LMO4: variants seen among roughly 807,000 people sequenced by gnomAD.
LMO4 encodes the protein LIM domain only 4, also known as LIM domain transcription factor LMO4.
A neutral mutation model predicts 18.5 loss-of-function variants in LMO4; 3 were observed. That is an observed-to-expected ratio of 0.16 (90% CI 0.07 to 0.42). LMO4 has a LOEUF of 0.42. Among genes scored for constraint, LMO4 ranks in the 10% least tolerant of loss-of-function variants. LMO4 has a pLI of 0.99. For missense variants in LMO4, 121 were observed against 219.9 expected, an observed-to-expected ratio of 0.55 and a Z score of 2.84; for synonymous variants, 100 against 88.1, an observed-to-expected ratio of 1.14 and a Z score of -0.76.
chr1:87,335,512 G>A (rs1453391045), intron 2 of LMO4, among the ~76,000 whole-genome samples: 1 of 151,996 alleles, frequency 6.6e-6, no homozygotes, highest in Non-Finnish European at 1.5e-5. Flanking sequence ...TTCTTTCCCC[G>A]GGCTCCACTC....
intron 2 of LMO4, among the ~76,000 whole-genome samples, chr1:87,334,253 C>G (rs1650234302): frequency 6.6e-6 from 1 of 152,148 alleles, no homozygotes; most frequent in South Asian, 2.1e-4. Flanking sequence ...ACATGCTACC[C>G]CGAGGACCTT....
At chr1:87,334,634 G>C (rs999220504) in intron 2 of LMO4, among the ~76,000 whole-genome samples, 3 of 152,158 alleles carry the variant, frequency 2.0e-5, no homozygotes, top group African/African-American at 7.2e-5. Context: ...TCTTGACTTT[G>C]AGTTGTGGTT....
At chr1:87,334,786 G>T (rs991178492) in intron 2 of LMO4, among the ~76,000 whole-genome samples, 3 of 152,278 alleles carry the variant, frequency 2.0e-5, no homozygotes, top group African/African-American at 7.2e-5. Flanking sequence ...GATGGGCAGA[G>T]CTGGGCTTCT....
intron 2 of LMO4, among the ~76,000 whole-genome samples, chr1:87,336,660 C>T (rs921766210): frequency 6.6e-6 from 1 of 152,110 alleles, no homozygotes; most frequent in African/African-American, 2.4e-5. Context: ...TATAAGGAAC[C>T]TCTTGATGTT....
intron 2 of LMO4, among the ~76,000 whole-genome samples, chr1:87,333,745 A>G (rs984534453): frequency 6.6e-6 from 1 of 152,160 alleles, no homozygotes; most frequent in South Asian, 2.1e-4. Context: ...TTAGAAGTAA[A>G]TGTTGGAAAA....
Position 87,346,986 on chromosome 1 carries a change from G to A in LMO4, c.*2190G>A, listed in dbSNP as rs926579624. 1 of 152,138 alleles carries A rather than the reference G, an allele frequency of 6.6e-6. No individual in the cohort carries two copies. The highest frequency in any genetic ancestry group is 2.4e-5 in the African/African-American group (1 of 41,410). The allele number at this position is 152,138 out of a possible 1,614,324, so 9.4% of individuals were successfully genotyped here. On this transcript the variant is annotated 3_prime_UTR_variant, in exon 5 of 5. Coordinates refer to ENST00000370544, the MANE Select transcript of LMO4 (RefSeq NM_006769.4). ...GCATAAGCACTTATGTCCCTGATATGTACAAATTCAAAGGAGGTGGTTAAT... is the reference window on the plus strand; with the variant it reads ...GCATAAGCACTTATGTCCCTGATATATACAAATTCAAAGGAGGTGGTTAAT...
intron 2 of LMO4, among the ~76,000 whole-genome samples, chr1:87,335,601 A>T (rs1170210974): frequency 6.6e-6 from 1 of 151,964 alleles, no homozygotes; most frequent in Non-Finnish European, 1.5e-5. Context: ...GGTGGGGAGA[A>T]TTGGTAGTTG....
chr1:87,335,143 C>T (rs1246103515), intron 2 of LMO4, among the ~76,000 whole-genome samples: 1 of 152,140 alleles, frequency 6.6e-6, no homozygotes, highest in East Asian at 1.9e-4. Context: ...ACTGCCCCTT[C>T]CCCCACCCCC....
At chr1:87,340,481 T>G (rs1305928082) in intron 4 of LMO4, among the ~76,000 whole-genome samples, 2 of 152,232 alleles carry the variant, frequency 1.3e-5, no homozygotes, top group African/African-American at 4.8e-5. Flanking sequence ...ATGTAAAGCT[T>G]CCATATAACT....
chr1:87,332,376 C>T, intron 2 of LMO4, 125 bp downstream of exon 2: 1 of 704,054 alleles, frequency 1.4e-6, no homozygotes. Context: ...CAAAAATCTT[C>T]TAGTTGGCGG....
chr1:87,344,998 T>A lies in LMO4; in HGVS notation c.*202T>A, dbSNP rs1650588695. ...CTGAATATGAACATTAAGGACTCCA[T>A]GAACCTGGGCTAATGGGAGACTGTA... On this transcript the variant is annotated 3_prime_UTR_variant, in exon 5 of 5. Transcript: ENST00000370544. 5 of 440,682 alleles carry A rather than the reference T, an allele frequency of 1.1e-5. No individual in the cohort carries two copies. The allele number at this position is 440,682 out of a possible 1,614,324, so 27.3% of individuals were successfully genotyped here.
chr1:87,340,352 A>T (rs1650442249), intron 4 of LMO4, 150 bp downstream of exon 4: 1 of 636,784 alleles, frequency 1.6e-6, no homozygotes, highest in Admixed American at 3.2e-5. Flanking sequence ...GAGTGTTCAG[A>T]AGTAGGATAG....
chr1:87,337,555 T>C (rs1650349543), intron 2 of LMO4, among the ~76,000 whole-genome samples: 1 of 152,238 alleles, frequency 6.6e-6, no homozygotes, highest in African/African-American at 2.4e-5. Context: ...TTTAGCCTTG[T>C]TAGGATTCTG....
intron 4 of LMO4, among the ~76,000 whole-genome samples, chr1:87,341,834 G>A (rs2100567327): frequency 6.6e-6 from 1 of 152,292 alleles, no homozygotes; most frequent in Non-Finnish European, 1.5e-5. Flanking sequence ...TCTTCAAGGA[G>A]TGCCAAGACA....
At chr1:87,339,372 T>G (rs1034469972) in intron 2 of LMO4, among the ~76,000 whole-genome samples, 164 bp from the exon 3 acceptor site, 1 of 152,194 alleles carries the variant, frequency 6.6e-6, no homozygotes, top group African/African-American at 2.4e-5. Flanking sequence ...CAAAAAGGAT[T>G]TTTCCCAGAT....
chr1:87,333,577 T>G (rs1324111367), intron 2 of LMO4, among the ~76,000 whole-genome samples: 1 of 152,222 alleles, frequency 6.6e-6, no homozygotes, highest in Admixed American at 6.5e-5. Flanking sequence ...ATCATTAGTG[T>G]AAGATGATGG....
At position 87,345,560 on chromosome 1, in the gene LMO4, A is replaced by G. The variant is rs1313913453; in HGVS notation, c.*764A>G. On this transcript the variant is annotated 3_prime_UTR_variant, in exon 5 of 5. Transcript: ENST00000370544. ...CTCTAGTATGGTGTATTTAAATAAT[A>G]AAAACTTAAAAGAAAAAATATTTAA... is the stretch of plus-strand genomic sequence containing the variant. The G allele has an allele frequency of 6.6e-6, 1 of 152,208 alleles. No homozygotes were observed. The highest frequency in any genetic ancestry group is 1.5e-5 in the Non-Finnish European group (1 of 68,042). The allele number at this position is 152,208 out of a possible 1,614,324, so 9.4% of individuals were successfully genotyped here. A position where few individuals can be genotyped will look rare whatever the true frequency, so the allele number is the denominator to read the frequency against.
intron 2 of LMO4, among the ~76,000 whole-genome samples, chr1:87,335,590 G>T (rs1650285379): frequency 6.6e-6 from 1 of 152,120 alleles, no homozygotes; most frequent in Non-Finnish European, 1.5e-5. Context: ...CCTGGGGCGA[G>T]GGTGGGGAGA....
rs896019498 is a variant in LMO4, at chr1:87,331,987, C to T, written c.-3-26C>T. 16 of 1,585,518 alleles carry T rather than the reference C, an allele frequency of 1.0e-5. No homozygotes were observed. In the African/African-American group the frequency reaches 2.2e-4, roughly 21 times the overall value. On this transcript the variant is annotated intron_variant, in intron 1 of 4. Transcript: ENST00000370544. ...CATCGCCCCTGTTTTGTCTTTCTCT[C>T]CCTGTCCCCTTCCCGCCCTCTGCAG...
Sources: gnomAD v4.1 joint callset for allele counts (sites outside exome capture counted in the v4.1 genomes callset) on GRCh38, gnomAD v4.1.1 for gene constraint, MANE v1.5 for transcripts, NCBI Gene and HGNC (gene_info 2026-07-23, HGNC 2026-07-21) for gene names.